Variants in IFT56 observed in about 807,000 individuals in gnomAD.
IFT56 encodes intraflagellar transport protein 56.
the IFT56 span, among the ~76,000 whole-genome samples, chr7:139,183,363 G>A: frequency 6.6e-6 from 1 of 152,136 alleles, no homozygotes; most frequent in African/African-American, 2.4e-5. Context: ...TACAGGAACA[G>A]CAGGAAAACG....
At chr7:139,136,826 G>A in the IFT56 span, among the ~76,000 whole-genome samples, 1 of 152,184 alleles carries the variant, frequency 6.6e-6, no homozygotes, top group African/African-American at 2.4e-5. Context: ...GTACCCTGCT[G>A]CATGGGAATG....
At chr7:139,141,026 C>T in the IFT56 span, among the ~76,000 whole-genome samples, 1 of 148,776 alleles carries the variant, frequency 6.7e-6, no homozygotes, top group Non-Finnish European at 1.5e-5. Flanking sequence ...TTTGGGAGGC[C>T]GAGGTGGGCG....
chr7:139,181,181 G>A, the IFT56 span: 1 of 1,611,024 alleles, frequency 6.2e-7, no homozygotes, highest in South Asian at 1.1e-5. Context: ...ACAGCTCATT[G>A]CTAATGACTG....
chr7:139,187,361 C>T, the IFT56 span: 5 of 1,599,708 alleles, frequency 3.1e-6, no homozygotes, highest in Middle Eastern at 1.7e-4. Flanking sequence ...TCTTTCTGTG[C>T]AATCTCTTTA....
the IFT56 span, chr7:139,187,297 C>A: frequency 7.9e-7 from 1 of 1,269,072 alleles, no homozygotes. Flanking sequence ...ATGTTGTCAG[C>A]ACCCATGCAC....
At chr7:139,161,733 C>G in the IFT56 span, among the ~76,000 whole-genome samples, 1 of 152,202 alleles carries the variant, frequency 6.6e-6, no homozygotes, top group Non-Finnish European at 1.5e-5. Context: ...TATCTCCAAT[C>G]TCTATTCAGT....
chr7:139,156,053 AT>A, the IFT56 span, among the ~76,000 whole-genome samples: 1 of 152,198 alleles, frequency 6.6e-6, no homozygotes, highest in East Asian at 1.9e-4. Context: ...TATTAATAGT[AT>A]TTCTTCTTGA....
the IFT56 span, chr7:139,181,189 C>G: frequency 6.2e-7 from 1 of 1,610,032 alleles, no homozygotes; most frequent in East Asian, 2.2e-5. Context: ...TTGCTAATGA[C>G]TGCTACAAGG....
chr7:139,168,267 G>T, the IFT56 span: 1 of 907,960 alleles, frequency 1.1e-6, no homozygotes. Context: ...AAAGTATTGA[G>T]TTAATGCAAG....
chr7:139,135,626 C>T, the IFT56 span, among the ~76,000 whole-genome samples: 1 of 152,160 alleles, frequency 6.6e-6, no homozygotes, highest in Non-Finnish European at 1.5e-5. Context: ...TGTAAGTCTG[C>T]AGAGGTGCTC....
At chr7:139,186,930 T>TA in the IFT56 span, among the ~76,000 whole-genome samples, 40 of 149,040 alleles carry the variant, frequency 2.7e-4, no homozygotes, top group African/African-American at 9.9e-4. Context: ...CCGTCTCTAC[T>TA]AAAAATACAA....
chr7:139,140,601 G>T, the IFT56 span, among the ~76,000 whole-genome samples: 43 of 151,998 alleles, frequency 2.8e-4, no homozygotes, highest in African/African-American at 9.6e-4. Flanking sequence ...CCAACATGGA[G>T]AAACCCCATC....
At chr7:139,155,262 GT>G in the IFT56 span, among the ~76,000 whole-genome samples, 1 of 152,214 alleles carries the variant, frequency 6.6e-6, no homozygotes, top group Non-Finnish European at 1.5e-5. Context: ...AATCAGGATA[GT>G]TTTGCTACTA....
At chr7:139,138,138 C>T in the IFT56 span, among the ~76,000 whole-genome samples, 2 of 152,116 alleles carry the variant, frequency 1.3e-5, no homozygotes, top group South Asian at 2.1e-4. Flanking sequence ...CTTCAGTAAT[C>T]GTCTAATGTT....
At chr7:139,172,979 A>T in the IFT56 span, 1 of 726,766 alleles carries the variant, frequency 1.4e-6, no homozygotes, top group Non-Finnish European at 2.6e-6. Flanking sequence ...GGCTGAGGTG[A>T]GGTGCTGCTG....
At chr7:139,138,811 CTT>C in the IFT56 span, among the ~76,000 whole-genome samples, 15 of 136,462 alleles carry the variant, frequency 1.1e-4, no homozygotes, top group Non-Finnish European at 1.3e-4. Context: ...TATGGATTTA[CTT>C]TTTTTTTTTT....
At chr7:139,175,121 A>AACTACAGTGAGATACCATCTC in the IFT56 span, among the ~76,000 whole-genome samples, 1 of 152,210 alleles carries the variant, frequency 6.6e-6, no homozygotes, top group Non-Finnish European at 1.5e-5. Context: ...TGCAAATCAA[A>AACTACAGTGAGATACCATCTC]ACTACAGTGA....
At chr7:139,150,541 G>T in the IFT56 span, among the ~76,000 whole-genome samples, 1 of 152,136 alleles carries the variant, frequency 6.6e-6, no homozygotes, top group Admixed American at 6.5e-5. Flanking sequence ...TTGTGTCAAT[G>T]TAGTTTATAT....
chr7:139,144,758 A>G, the IFT56 span, among the ~76,000 whole-genome samples: 1 of 151,920 alleles, frequency 6.6e-6, no homozygotes, highest in Non-Finnish European at 1.5e-5. Context: ...AATTTCAGTT[A>G]TTGTATTTAT....
Sources: gnomAD v4.1 joint callset for allele counts (sites outside exome capture counted in the v4.1 genomes callset) on GRCh38, gnomAD v4.1.1 for gene constraint, MANE v1.5 for transcripts, NCBI Gene and HGNC (gene_info 2026-07-23, HGNC 2026-07-21) for gene names.